The following COL5A2 variants were observed in gnomAD, a reference collection of about 807,000 sequenced individuals.
The protein encoded by COL5A2 is collagen type V alpha 2 chain, also known as collagen alpha-2(V) chain.
Under a neutral mutation model 208.2 loss-of-function variants are expected in COL5A2, and 23 were observed. That is an observed-to-expected ratio of 0.11 (90% confidence interval 0.08 to 0.16). The LOEUF is 0.16. COL5A2 is among the 10% of genes least tolerant of loss of function. The pLI is 1.00. For missense variants in COL5A2, 1,590 were observed against 1,956.4 expected (o/e 0.81, Z 3.53); for synonymous variants, 625 against 628.5 (o/e 0.99, Z 0.08).
intron 1 of COL5A2, among the ~76,000 whole-genome samples, chr2:189,163,651 T>G (rs1385773026): frequency 6.6e-6 from 1 of 152,252 alleles, no homozygotes; most frequent in East Asian, 1.9e-4. Context: ...AGAAATGTAT[T>G]ACCATAGAGA....
At chr2:189,437,455 A>T in the COL5A2 span, among the ~76,000 whole-genome samples, 1 of 152,158 alleles carries the variant, frequency 6.6e-6, no homozygotes, top group East Asian at 1.9e-4. Flanking sequence ...ACTTTGTGCA[A>T]CAACATTTCA....
chr2:189,363,563 C>T, the COL5A2 span, among the ~76,000 whole-genome samples: 1 of 152,056 alleles, frequency 6.6e-6, no homozygotes, highest in African/African-American at 2.4e-5. Flanking sequence ...AATTTATTAT[C>T]AATTTTTTCA....
At chr2:189,416,052 A>T in the COL5A2 span, among the ~76,000 whole-genome samples, 1 of 152,348 alleles carries the variant, frequency 6.6e-6, no homozygotes, top group East Asian at 1.9e-4. Context: ...TTAAAACTAC[A>T]TTCCTACAAC....
At chr2:189,293,720 T>C in the COL5A2 span, among the ~76,000 whole-genome samples, 2 of 152,132 alleles carry the variant, frequency 1.3e-5, no homozygotes, top group African/African-American at 2.4e-5. Flanking sequence ...CACCAGACAC[T>C]GAATTTACTG....
chr2:189,154,210 T>C (rs945865695), intron 1 of COL5A2, among the ~76,000 whole-genome samples: 1 of 152,218 alleles, frequency 6.6e-6, no homozygotes, highest in Non-Finnish European at 1.5e-5. Context: ...CTCTATTTTT[T>C]ATTCTCTAAG....
At chr2:189,053,356 A>G (rs1559080944) in intron 38 of COL5A2, 68 bp downstream of exon 38, 1 of 1,334,812 alleles carries the variant, frequency 7.5e-7, no homozygotes, top group African/African-American at 1.4e-5. Context: ...ACATATGACA[A>G]TGATCATTAA....
the COL5A2 span, among the ~76,000 whole-genome samples, chr2:189,347,577 T>C: frequency 1.3e-5 from 2 of 152,180 alleles, no homozygotes; most frequent in Non-Finnish European, 2.9e-5. Flanking sequence ...GCTTCTAGGC[T>C]CATGGCATTT....
At chr2:189,183,498 T>G (rs1688808890), upstream of COL5A2, among the ~76,000 whole-genome samples, 1 of 152,146 alleles carries the variant, frequency 6.6e-6, no homozygotes, top group African/African-American at 2.4e-5. Flanking sequence ...CAGACCTATA[T>G]TTTTCAAGTG....
chr2:189,224,393 A>G (rs1365109016), intron 1 of COL5A2, among the ~76,000 whole-genome samples: 4 of 152,130 alleles, frequency 2.6e-5, no homozygotes, highest in Non-Finnish European at 5.9e-5. Context: ...CTATTTTTTA[A>G]AACTAGAAAA....
the COL5A2 span, among the ~76,000 whole-genome samples, chr2:189,423,089 G>T: frequency 2.7e-5 from 4 of 150,828 alleles, no homozygotes; most frequent in Middle Eastern, 3.2e-3. Flanking sequence ...AAAACATACT[G>T]CTAAACAACA....
chr2:189,094,627 A>G (rs1686863979), intron 6 of COL5A2, among the ~76,000 whole-genome samples: 2 of 128,762 alleles, frequency 1.6e-5, no homozygotes, highest in African/African-American at 5.5e-5. Context: ...ACACACACAC[A>G]CACACACACA....
At chr2:189,181,219 TGG>T (rs1688775072), upstream of COL5A2, among the ~76,000 whole-genome samples, 1 of 152,252 alleles carries the variant, frequency 6.6e-6, no homozygotes, top group African/African-American at 2.4e-5. Context: ...ATTTTAGCTT[TGG>T]AACTAGACTC....
chr2:189,188,133 T>C (rs542262240), intron 1 of COL5A2, among the ~76,000 whole-genome samples: 2 of 152,318 alleles, frequency 1.3e-5, no homozygotes, highest in African/African-American at 4.8e-5. Flanking sequence ...TAATTTCATC[T>C]TTTTAGGTGT....
At chr2:189,052,846 G>A (rs1424019095) in intron 39 of COL5A2, 44 bp from the exon 40 acceptor site, 1 of 1,611,792 alleles carries the variant, frequency 6.2e-7, no homozygotes, top group Non-Finnish European at 8.5e-7. Context: ...AAGCAAAAGA[G>A]GCTGAATGTA....
rs1685759538 is a variant in COL5A2, at chr2:189,050,437, T to C, written c.3039+132A>G. 1.1e-5 allele frequency: 8 copies of C among 747,720 alleles called. No homozygotes were observed. In the East Asian group the frequency reaches 2.2e-4, roughly 20 times the overall value. 46.3% of individuals were successfully genotyped at this position (747,720 alleles called of 1,614,324 possible). On this transcript the variant is annotated intron_variant, in intron 43 of 53. Coordinates refer to ENST00000374866, the MANE Select transcript of COL5A2 (RefSeq NM_000393.5). Reference sequence around the variant, plus strand: ...TTGACATTTAAGATCAAAAGATTTTTAAGAGACTCAAAAATTAATGTCCCT... The same window carrying C: ...TTGACATTTAAGATCAAAAGATTTTCAAGAGACTCAAAAATTAATGTCCCT...
At chr2:189,182,144 T>C (rs1215535780), upstream of COL5A2, among the ~76,000 whole-genome samples, 5 of 152,198 alleles carry the variant, frequency 3.3e-5, no homozygotes, top group Admixed American at 6.5e-5. Flanking sequence ...TTAATATATG[T>C]GGTTGAATTC....
the COL5A2 span, among the ~76,000 whole-genome samples, chr2:189,239,061 C>T: frequency 1.3e-5 from 2 of 152,058 alleles, no homozygotes; most frequent in Admixed American, 1.3e-4. Context: ...TTAGCAAAGT[C>T]ATCCCAAATG....
chr2:189,319,520 C>A, the COL5A2 span, among the ~76,000 whole-genome samples: 2 of 152,262 alleles, frequency 1.3e-5, no homozygotes, highest in Non-Finnish European at 2.9e-5. Context: ...GAGATTATAT[C>A]CCGTGCCTGG....
At chr2:189,297,136 A>T in the COL5A2 span, among the ~76,000 whole-genome samples, 1 of 152,190 alleles carries the variant, frequency 6.6e-6, no homozygotes, top group South Asian at 2.1e-4. Context: ...TCTGCTTTTG[A>T]TTGATTTCCA....
Sources: gnomAD v4.1 joint callset for allele counts (sites outside exome capture counted in the v4.1 genomes callset) on GRCh38, gnomAD v4.1.1 for gene constraint, MANE v1.5 for transcripts, NCBI Gene and HGNC (gene_info 2026-07-23, HGNC 2026-07-21) for gene names.